TAFA1: variants seen among roughly 807,000 people sequenced by gnomAD.
TAFA1 encodes chemokine-like protein TAFA-1.
Under a neutral mutation model 18.5 loss-of-function variants are expected in TAFA1, and 4 were observed. The observed-to-expected ratio is 0.22, with a 90% CI of 0.11 to 0.49. TAFA1 has a LOEUF of 0.49. Among genes scored for constraint, TAFA1 ranks in the 20% least tolerant of loss-of-function variants. The pLI is 0.98. For synonymous variants in TAFA1, 56 were observed against 55.2 expected (o/e 1.01, Z -0.06); for missense variants, 147 against 169.0 (o/e 0.87, Z 0.72).
At chr3:68,277,391 T>C (rs114180479) in intron 2 of TAFA1, among the ~76,000 whole-genome samples, 1,742 of 152,256 alleles carry the variant, frequency 0.011, 26 homozygotes, top group African/African-American at 0.04. Context: ...GGCTTTCTAT[T>C]GTGCCACTTC....
chr3:68,221,344 G>A lies in TAFA1; in HGVS notation c.119-195936G>A, dbSNP rs541017918. ...GGTCTAAAAAGGGGGGGATGGGTTT[G>A]CCCCTATTCCTCCTCTTATCTGGAT... is the stretch of plus-strand genomic sequence containing the variant. On this transcript the variant is annotated intron_variant, in intron 2 of 4. Coordinates refer to ENST00000478136, the MANE Select transcript of TAFA1 (RefSeq NM_213609.4). 7.2e-5 allele frequency among the ~76,000 whole-genome samples: 11 copies of A among 152,214 alleles called. No individual in the cohort carries two copies. In the South Asian group the frequency reaches 1.0e-3, roughly 14 times the overall value.
chr3:68,268,309 A>G (rs773620439), intron 2 of TAFA1, among the ~76,000 whole-genome samples: 3 of 152,122 alleles, frequency 2.0e-5, no homozygotes, highest in Non-Finnish European at 4.4e-5. Flanking sequence ...AAAGGAGGAA[A>G]GACATATTTT....
At chr3:68,132,502 A>C (rs915106617) in intron 2 of TAFA1, among the ~76,000 whole-genome samples, 1 of 152,180 alleles carries the variant, frequency 6.6e-6, no homozygotes, top group Non-Finnish European at 1.5e-5. Context: ...CAACAGAGTA[A>C]AGTGTTCCTA....
chr3:68,254,832 T>A (rs1575713310), intron 2 of TAFA1, among the ~76,000 whole-genome samples: 1 of 152,098 alleles, frequency 6.6e-6, no homozygotes, highest in Non-Finnish European at 1.5e-5. Context: ...ATTGTTTGAT[T>A]GGTTAGAGAA....
intron 2 of TAFA1, among the ~76,000 whole-genome samples, chr3:68,339,258 C>G (rs1456520943): frequency 1.3e-5 from 2 of 152,146 alleles, no homozygotes; most frequent in Non-Finnish European, 2.9e-5. Context: ...ATTAAAAGAA[C>G]TGAATTTTTC....
chr3:68,382,394 T>C (rs2069986746), intron 2 of TAFA1, among the ~76,000 whole-genome samples: 1 of 152,088 alleles, frequency 6.6e-6, no homozygotes, highest in South Asian at 2.1e-4. Flanking sequence ...TTGATTTTTG[T>C]ATATAGTGTG....
At chr3:68,133,883 A>C (rs1419205738) in intron 2 of TAFA1, among the ~76,000 whole-genome samples, 1 of 152,092 alleles carries the variant, frequency 6.6e-6, no homozygotes, top group African/African-American at 2.4e-5. Flanking sequence ...ATATGAGAAA[A>C]GGGTAGTTCT....
intron 2 of TAFA1, among the ~76,000 whole-genome samples, chr3:68,381,459 G>A (rs1460581334): frequency 6.6e-6 from 1 of 152,104 alleles, no homozygotes; most frequent in East Asian, 1.9e-4. Context: ...GCAGTGGTTT[G>A]TAGTTCTCCT....
intron 2 of TAFA1, among the ~76,000 whole-genome samples, chr3:68,403,431 G>GGACTA (rs2070535729): frequency 6.6e-6 from 1 of 152,154 alleles, no homozygotes. Context: ...AGTTACTCAG[G>GGACTA]GACTAGATCT....
At chr3:68,176,240 G>C (rs2066123623) in intron 2 of TAFA1, among the ~76,000 whole-genome samples, 1 of 152,206 alleles carries the variant, frequency 6.6e-6, no homozygotes, top group Non-Finnish European at 1.5e-5. Flanking sequence ...CCAGCACATT[G>C]GGAGGTCAAG....
rs1244606498 is a variant in TAFA1 at position 68,235,115 on chromosome 3, G to GGCTATTT, written c.119-182162_119-182161insATTTGCT. On this transcript the variant is annotated intron_variant, in intron 2 of 4. Transcript: ENST00000478136. ...TTTTCACCTCAGTTCAAGGTGAAGG[G>GGCTATTT]GCTGCTCTCTAAGGATCTTAACTAT... is the stretch of plus-strand genomic sequence containing the variant. 1.5e-4 allele frequency among the ~76,000 whole-genome samples: 23 copies of GGCTATTT among 151,940 alleles called. 1 individual carries two copies. Among genetic ancestry groups the GGCTATTT allele is most frequent in the African/African-American group, 4.6e-4 (19 of 41,478 alleles).
chr3:68,471,526 C>T (rs776859107), intron 3 of TAFA1, among the ~76,000 whole-genome samples: 2 of 152,132 alleles, frequency 1.3e-5, no homozygotes, highest in Non-Finnish European at 2.9e-5. Flanking sequence ...ATCAGCATGC[C>T]CTGGATGTGA....
chr3:68,223,945 T>A (rs1463136635), intron 2 of TAFA1, among the ~76,000 whole-genome samples: 3 of 151,316 alleles, frequency 2.0e-5, no homozygotes, highest in Non-Finnish European at 2.9e-5. Flanking sequence ...GTATATGAAT[T>A]TGACTAAACC....
intron 2 of TAFA1, among the ~76,000 whole-genome samples, chr3:68,231,613 G>C (rs914409372): frequency 1.3e-5 from 2 of 151,832 alleles, no homozygotes; most frequent in African/African-American, 4.8e-5. Context: ...ACCCGCCTCG[G>C]CCTCCCAAAG....
chr3:68,177,624 T>C (rs2106975182), intron 2 of TAFA1, among the ~76,000 whole-genome samples: 1 of 152,278 alleles, frequency 6.6e-6, no homozygotes, highest in African/African-American at 2.4e-5. Flanking sequence ...TCTAAATAAT[T>C]AGAAACTCCT....
intron 2 of TAFA1, among the ~76,000 whole-genome samples, chr3:68,242,667 A>G (rs1396465852): frequency 3.3e-5 from 5 of 152,126 alleles, no homozygotes; most frequent in African/African-American, 1.2e-4. Context: ...AATGCCATTT[A>G]TTTGTCCTAC....
chr3:68,046,469 A>G (rs1402157186), intron 2 of TAFA1, among the ~76,000 whole-genome samples: 1 of 152,216 alleles, frequency 6.6e-6, no homozygotes, highest in Admixed American at 6.5e-5. Context: ...TTGCAATGAT[A>G]CATTTTCAAC....
At chr3:68,021,181 G>T in intron 2 of TAFA1, among the ~76,000 whole-genome samples, 1 of 33,784 alleles carries the variant, frequency 3.0e-5, no homozygotes, top group South Asian at 1.1e-3. Flanking sequence ...ACAAGACCCT[G>T]TCTCAAAAAA....
chr3:68,344,961 A>T (rs2106761082), intron 2 of TAFA1, among the ~76,000 whole-genome samples: 1 of 152,260 alleles, frequency 6.6e-6, no homozygotes, highest in East Asian at 1.9e-4. Context: ...AAAAGTTATA[A>T]ATAAGTTTAT....
Sources: gnomAD v4.1 joint callset for allele counts (sites outside exome capture counted in the v4.1 genomes callset) on GRCh38, gnomAD v4.1.1 for gene constraint, MANE v1.5 for transcripts, NCBI Gene and HGNC (gene_info 2026-07-23, HGNC 2026-07-21) for gene names.